The following NPM3 variants were observed in gnomAD, a reference collection of about 807,000 sequenced individuals.
NPM3 encodes nucleoplasmin-3.
In NPM3, 12 loss-of-function variants were observed where a neutral mutation model predicts 18.1. The observed-to-expected ratio is 0.66, with a 90% confidence interval of 0.42 to 1.07. The LOEUF (loss-of-function observed/expected upper bound fraction) is 1.07. Ranked by LOEUF, NPM3 falls within the 50% of genes least tolerant of loss-of-function variation. The pLI, the probability that NPM3 is intolerant of heterozygous loss-of-function variation, is 0.00. For missense variants in NPM3, 274 were observed against 232.1 expected (o/e 1.18, Z -1.17); for synonymous variants, 116 against 93.7 (o/e 1.24, Z -1.38).
chr10:101,781,600 G>C, exon 6 of NPM3: 2 of 684,272 alleles, frequency 2.9e-6, no homozygotes. Context: ...CAGGGAACAG[G>C]GTGCATGGCG....
chr10:101,783,242 T>TA lies in NPM3; in HGVS notation c.118+30dup, dbSNP rs764076337. On this transcript the variant is annotated intron_variant, in intron 1 of 5. Transcript: ENST00000370110. ...ACATCCCTACCTCTTACCGCCCCAG[T>TA]ACCACCCTCAGCCTCTCCCTTCACT... The TA allele has an allele frequency of 8.7e-6, 13 of 1,498,704 alleles. No individual in the cohort carries two copies. The East Asian group carries it at 3.0e-4, about 34-fold the overall frequency. The allele number at this position is 1,498,704 out of a possible 1,614,324, so 92.8% of individuals were successfully genotyped here. A position where few individuals can be genotyped will look rare whatever the true frequency, so the allele number is the denominator to read the frequency against.
chr10:101,782,422 C>T (rs2065148609), intron 3 of NPM3, 56 bp downstream of exon 3: 6 of 1,599,514 alleles, frequency 3.8e-6, no homozygotes, highest in South Asian at 1.1e-5. Context: ...GTGCTAACGT[C>T]CTCAATCCCC....
chr10:101,783,283 AC>A lies in NPM3; in HGVS notation c.107del (p.Ser36IlefsTer19). 6.2e-7 allele frequency: 1 copy of A among 1,603,128 alleles called. No individual in the cohort carries two copies. The highest frequency in any genetic ancestry group is 8.5e-7 in the Non-Finnish European group (1 of 1,174,544). Reference sequence around the variant, plus strand: ...TCCCTTCACTAATACCGAAGAAAAAACTGTCCATAGTGACCGGGGCCGGGAC... The same window carrying A: ...TCCCTTCACTAATACCGAAGAAAAAATGTCCATAGTGACCGGGGCCGGGAC... On this transcript the variant is annotated frameshift_variant, in exon 1 of 6. Coordinates refer to ENST00000370110, the Ensembl canonical transcript of NPM3. LOFTEE classifies it high-confidence loss of function.
intron 4 of NPM3, 113 bp downstream of exon 4, chr10:101,782,145 T>C: frequency 9.9e-7 from 1 of 1,008,082 alleles, no homozygotes; most frequent in Non-Finnish European, 1.5e-6. Context: ...CACACAGACC[T>C]GTACAGGGCT....
intron 4 of NPM3, 122 bp from the exon 5 acceptor site, chr10:101,781,976 G>A (rs1230707496): frequency 6.5e-7 from 1 of 1,528,520 alleles, no homozygotes; most frequent in South Asian, 1.1e-5. Flanking sequence ...GTGCTTATGG[G>A]CTAGGTGGGA....
chr10:101,782,831 C>A lies in NPM3; in HGVS notation c.204+8G>T. The A allele has an allele frequency of 1.2e-6, 2 of 1,613,734 alleles. No homozygotes were observed. Among genetic ancestry groups the A allele is most frequent in the Non-Finnish European group, 1.7e-6 (2 of 1,179,742 alleles). ...TATTCATTAAAACCCCACTCCCCTG[C>A]CCCTCACCATGGTTAGTGCCAGCAC... is the stretch of plus-strand genomic sequence containing the variant. On this transcript the variant is annotated splice_region_variant and intron_variant, in intron 2 of 5. Transcript: ENST00000370110.
Position 101,781,754 on chromosome 10 carries a change from CTT to C in NPM3, c.517_518del (p.Lys173AlafsTer24), listed in dbSNP as rs1443543038. 1.2e-6 allele frequency: 2 copies of C among 1,614,154 alleles called. No individual in the cohort carries two copies. Among genetic ancestry groups the C allele is most frequent in the Non-Finnish European group, 1.7e-6 (2 of 1,180,008 alleles). On this transcript the variant is annotated frameshift_variant, in exon 5 of 6. Coordinates refer to ENST00000370110, the Ensembl canonical transcript of NPM3. LOFTEE classifies it high-confidence loss of function. ...AGGAGGGCTAGGGCCTGCCCCCCTG[CTT>C]TTTGGCAGGAAGGATGGGGCACAGC...
At chr10:101,782,556 TACC>T (rs758865059) in exon 3 of NPM3, 14 of 1,613,948 alleles carry the variant, frequency 8.7e-6, no homozygotes, top group South Asian at 2.2e-5. Context: ...CCACAACTTC[TACC>T]ACATTACACT....
In NPM3 at chr10:101,782,726, C is replaced by CG. The variant is rs1564635737; in HGVS notation, c.204+112dup. 1.9e-6 allele frequency: 3 copies of CG among 1,574,146 alleles called. No individual in the cohort carries two copies. In the Admixed American group the frequency reaches 5.5e-5, roughly 29 times the overall value. ...ACCTGGCCAGGGGAGCCGCCCATGC[C>CG]GGGGGGTTAGGCTGAGGATGTGTCT... On this transcript the variant is annotated intron_variant, in intron 2 of 5. Transcript: ENST00000370110.
intron 1 of NPM3, 136 bp from the exon 2 acceptor site, chr10:101,783,060 C>A: frequency 1.2e-6 from 1 of 841,170 alleles, no homozygotes; most frequent in South Asian, 1.6e-5. Context: ...TCTCTCAGAA[C>A]ACCTGGGACG....
chr10:101,781,615 AT>A, exon 6 of NPM3: 1 of 893,318 alleles, frequency 1.1e-6, no homozygotes. Flanking sequence ...ATGGCGGTGC[AT>A]GGCACATGGA....
chr10:101,783,121 C>G (rs980332200), intron 1 of NPM3, 152 bp downstream of exon 1: 23 of 797,656 alleles, frequency 2.9e-5, no homozygotes, highest in Non-Finnish European at 3.9e-5. Flanking sequence ...CTCGCCACCC[C>G]CTTTGGCTGT....
chr10:101,783,155 G>T, intron 1 of NPM3, 118 bp downstream of exon 1: 2 of 898,058 alleles, frequency 2.2e-6, no homozygotes, highest in Non-Finnish European at 3.5e-6. Flanking sequence ...CCTCTCCTGC[G>T]GGAACAGCGA....
intron 4 of NPM3, 56 bp from the exon 5 acceptor site, chr10:101,781,910 C>G: frequency 6.2e-7 from 1 of 1,613,904 alleles, no homozygotes; most frequent in African/African-American, 1.3e-5. Flanking sequence ...CCGTTTCACA[C>G]CGCATGCCAT....
At position 101,781,407 on chromosome 10, in the gene NPM3, C is replaced by A. The variant is rs114483643; in HGVS notation, c.*235G>T. 4.7e-3 allele frequency: 1,729 copies of A among 369,424 alleles called. 25 individuals carry two copies. The highest frequency in any genetic ancestry group is 0.034 in the African/African-American group (1,589 of 47,358). The allele number at this position is 369,424 out of a possible 1,614,324, so 22.9% of individuals were successfully genotyped here. ...AAAATGTGTAGCTCTGAGCTTCAGG[C>A]ACTAACCTCCAATTCTCACAGGCAG... is the stretch of plus-strand genomic sequence containing the variant. On this transcript the variant is annotated 3_prime_UTR_variant, in exon 6 of 6. Coordinates refer to ENST00000370110, the Ensembl canonical transcript of NPM3.
At chr10:101,782,693 C>T (rs2065151273) in intron 2 of NPM3, 96 bp from the exon 3 acceptor site, 14 of 1,593,092 alleles carry the variant, frequency 8.8e-6, no homozygotes, top group South Asian at 1.1e-5. Context: ...CCTCAGAGGT[C>T]CCGGTTCACC....
intron 4 of NPM3, 143 bp from the exon 5 acceptor site, chr10:101,781,997 A>T: frequency 1.4e-6 from 2 of 1,414,880 alleles, no homozygotes; most frequent in Non-Finnish European, 1.9e-6. Context: ...AGAACCTCAG[A>T]CCCTAAACTG....
At chr10:101,783,327 C>A in exon 1 of NPM3, 1 of 1,613,118 alleles carries the variant, frequency 6.2e-7, no homozygotes, top group Non-Finnish European at 8.5e-7. Context: ...CCCCCGACAC[C>A]CCCGGCCCGC....
intron 4 of NPM3, 113 bp downstream of exon 4, chr10:101,782,145 T>G (rs897569857): frequency 9.9e-7 from 1 of 1,008,082 alleles, no homozygotes; most frequent in South Asian, 1.5e-5. Context: ...CACACAGACC[T>G]GTACAGGGCT....
Sources: allele counts gnomAD v4.1 joint callset, GRCh38; gene constraint gnomAD v4.1.1; transcripts MANE v1.5; gene names NCBI Gene and HGNC (gene_info 2026-07-23, HGNC 2026-07-21).